The following ECPAS variants were observed in gnomAD, a reference collection of about 807,000 sequenced individuals.
ECPAS encodes Ecm29 proteasome adaptor and scaffold, also known as proteasome adapter and scaffold protein ECM29.
A neutral mutation model predicts 255.1 loss-of-function variants in ECPAS; 70 were observed. The ratio of observed to expected loss-of-function variants is 0.27; its 90% confidence interval spans 0.23 to 0.33. The LOEUF (loss-of-function observed/expected upper bound fraction) is 0.33. ECPAS is among the 10% of genes least tolerant of loss of function. ECPAS has a pLI of 1.00. For missense variants in ECPAS, 1,817 were observed against 2,206.4 expected (o/e 0.82, Z 3.54); for synonymous variants, 784 against 775.0 (o/e 1.01, Z -0.19).
intron 24 of ECPAS, among the ~76,000 whole-genome samples, chr9:111,402,566 T>G (rs1179327219): frequency 6.6e-6 from 1 of 152,206 alleles, no homozygotes; most frequent in African/African-American, 2.4e-5. Flanking sequence ...ATAGAATCTT[T>G]AGTATGAAGA....
At chr9:111,411,317 G>T (rs1021781806) in intron 21 of ECPAS, among the ~76,000 whole-genome samples, 175 bp from the exon 22 acceptor site, 6 of 152,210 alleles carry the variant, frequency 3.9e-5, no homozygotes, top group African/African-American at 1.4e-4. Flanking sequence ...GGGAACAAGA[G>T]AAACCTTGAG....
chr9:111,421,147 G>T (rs1238788592), intron 15 of ECPAS, among the ~76,000 whole-genome samples: 1 of 152,056 alleles, frequency 6.6e-6, no homozygotes, highest in South Asian at 2.1e-4. Context: ...CTTGACAATA[G>T]GACTCCATCA....
Position 111,362,126 on chromosome 9 carries a change from G to A in ECPAS, c.5424C>T (p.Leu1808=), listed in dbSNP as rs1429600252. The change falls in exon 50 of 50, where the codon CTC becomes CTT. Residue 1808 remains leucine (L), a synonymous_variant. Transcript: ENST00000684092. ...WECLTSECRV[L]LIESLATMEP... ...CCATAGTAGCTAAAGACTCAATTAGGAGCACTCTGCATTCAGATGTCAAAC... is the reference window on the plus strand; with the variant it reads ...CCATAGTAGCTAAAGACTCAATTAGAAGCACTCTGCATTCAGATGTCAAAC... The A allele has an allele frequency of 3.7e-6, 6 of 1,606,120 alleles. No individual in the cohort carries two copies. In the African/African-American group the frequency reaches 4.1e-5, roughly 11 times the overall value.
chr9:111,417,805 C>T (rs550846929), intron 17 of ECPAS, 78 bp downstream of exon 17: 52 of 1,315,784 alleles, frequency 4.0e-5, no homozygotes, highest in Non-Finnish European at 4.8e-5. Flanking sequence ...CTAGTGATTA[C>T]ATTTTTCACT....
chr9:111,444,626 T>C, intron 3 of ECPAS, 132 bp from the exon 4 acceptor site: 1 of 644,008 alleles, frequency 1.6e-6, no homozygotes, highest in South Asian at 2.0e-5. Context: ...GGTATAAATT[T>C]TACATCCCAG....
intron 48 of ECPAS, 133 bp downstream of exon 48, chr9:111,366,106 A>G: frequency 5.0e-6 from 3 of 599,494 alleles, no homozygotes; most frequent in South Asian, 4.5e-5. Context: ...GTACACATGG[A>G]GTATAATAAG....
intron 31 of ECPAS, among the ~76,000 whole-genome samples, chr9:111,387,822 G>T (rs28691143): frequency 0.022 from 2,903 of 133,362 alleles, 156 homozygotes; most frequent in African/African-American, 0.072. Flanking sequence ...GAGGGACAGA[G>T]TCTCACTCAT....
At chr9:111,462,738 A>ATT (rs34375105) in intron 2 of ECPAS, among the ~76,000 whole-genome samples, 47 of 108,232 alleles carry the variant, frequency 4.3e-4, no homozygotes, top group Admixed American at 2.4e-3. Context: ...CATTCATGGA[A>ATT]TTTTTTTTTT....
intron 48 of ECPAS, 34 bp downstream of exon 48, chr9:111,366,205 G>T (rs1589106788): frequency 7.6e-7 from 1 of 1,324,400 alleles, no homozygotes; most frequent in Non-Finnish European, 1.1e-6. Flanking sequence ...TTAAAATTAG[G>T]ACTCCCTCAT....
At chr9:111,483,542 A>C (rs2098310175) in intron 1 of ECPAS, 1 of 757,424 alleles carries the variant, frequency 1.3e-6, no homozygotes. Context: ...GGCCGCAGCC[A>C]TGTTGCGCCG....
chr9:111,445,576 A>G (rs1376126909), intron 3 of ECPAS, among the ~76,000 whole-genome samples: 3 of 152,190 alleles, frequency 2.0e-5, no homozygotes, highest in Admixed American at 2.0e-4. Flanking sequence ...CATCTGACTG[A>G]AGCCCAGAAC....
In ECPAS at chr9:111,390,044, T is replaced by C. The variant is rs1172164235; in HGVS notation, c.3219A>G (p.Pro1073=). 4 of 1,602,576 alleles carry C rather than the reference T, an allele frequency of 2.5e-6. No individual in the cohort carries two copies. The highest frequency in any genetic ancestry group is 3.4e-6 in the Non-Finnish European group (4 of 1,171,758). ...AATTCATAAATTTATACACCAGATC[T>C]GGCTGGCTAAGATCACTTGCCAGAG... is the stretch of plus-strand genomic sequence containing the variant. ...LCSLASDLSQ[P]DLVYKFMNLA... Residue 1073 remains proline, a synonymous_variant, in exon 30 of 50, where the codon CCA becomes CCG. Coordinates refer to ENST00000684092, the MANE Select transcript of ECPAS (RefSeq NM_001364929.1).
At chr9:111,423,333 G>A (rs41296073) in intron 12 of ECPAS, 85 bp from the exon 13 acceptor site, 11,295 of 912,636 alleles carry the variant, frequency 0.012, 91 homozygotes, top group Non-Finnish European at 0.016. Flanking sequence ...AAACCTTTTC[G>A]CTGCAATTAC....
At position 111,420,120 on chromosome 9, in the gene ECPAS, G is replaced by C; in HGVS notation, c.1456C>G (p.Pro486Ala). The change falls in exon 16 of 50, where the codon CCT becomes GCT. Residue 486 changes from proline (P) to alanine (A), a missense_variant and splice_region_variant. This residue lies in a region of ECPAS where 573 missense variants were observed against 716.2 expected (regional missense o/e 0.80). Transcript: ENST00000684092. ...GCCACTTGTCGAACTTGAACTTCAGGCTATTTCATGTGTAAACATACACAG... is the reference window on the plus strand; with the variant it reads ...GCCACTTGTCGAACTTGAACTTCAGCCTATTTCATGTGTAAACATACACAG... ...EALVASYLIK[P>A]EVQVRQVAVK... 1.2e-6 allele frequency: 2 copies of C among 1,608,438 alleles called. No individual in the cohort carries two copies. The highest frequency in any genetic ancestry group is 1.7e-6 in the Non-Finnish European group (2 of 1,175,950).
At chr9:111,392,097 G>A (rs1040918852) in intron 28 of ECPAS, among the ~76,000 whole-genome samples, 8 of 152,140 alleles carry the variant, frequency 5.3e-5, no homozygotes, top group South Asian at 4.1e-4. Context: ...AAAATTAGCC[G>A]GGCATGGTGG....
At chr9:111,438,687 A>G (rs1026439258) in intron 6 of ECPAS, among the ~76,000 whole-genome samples, 2 of 152,244 alleles carry the variant, frequency 1.3e-5, no homozygotes, top group African/African-American at 4.8e-5. Flanking sequence ...TGAGACAGTA[A>G]CAACCTAACA....
chr9:111,472,990 G>T lies in ECPAS; in HGVS notation c.-72C>A. 8.9e-7 allele frequency: 1 copy of T among 1,120,592 alleles called. No homozygotes were observed. 69.4% of individuals were successfully genotyped at this position (1,120,592 alleles called of 1,614,324 possible). On this transcript the variant is annotated 5_prime_UTR_variant, in exon 2 of 50. It introduces an in-frame stop codon into an upstream open reading frame of the 5' UTR. Transcript: ENST00000684092. ...TTCATCCACTCGTACATATGCAATT[G>T]TATAAAGAATCTATTATTTAGAACA...
chr9:111,455,286 T>C (rs116943723), intron 2 of ECPAS, among the ~76,000 whole-genome samples: 2,873 of 152,178 alleles, frequency 0.019, 35 homozygotes, highest in Non-Finnish European at 0.031. Flanking sequence ...AGATAGAGAC[T>C]ATCCTGGCGA....
chr9:111,458,530 G>A (rs906670640), intron 2 of ECPAS, among the ~76,000 whole-genome samples: 1 of 151,832 alleles, frequency 6.6e-6, no homozygotes, highest in Non-Finnish European at 1.5e-5. Context: ...GATTGTTTAC[G>A]CTAAGAGATA....
Sources: allele counts gnomAD v4.1 joint callset (sites outside exome capture counted in the v4.1 genomes callset), GRCh38; gene constraint gnomAD v4.1.1; regional missense constraint gnomAD v4.1.1; transcripts MANE v1.5; gene names NCBI Gene and HGNC (gene_info 2026-07-23, HGNC 2026-07-21).